Variants in FCER1G observed in about 807,000 individuals in gnomAD.
FCER1G encodes the protein high affinity immunoglobulin epsilon receptor subunit gamma.
In FCER1G, 7 loss-of-function variants were observed where a neutral mutation model predicts 17.3. The observed-to-expected ratio is 0.40, with a 90% confidence interval of 0.23 to 0.76. The LOEUF is 0.76. Among genes scored for constraint, FCER1G ranks in the 30% least tolerant of loss-of-function variants. FCER1G has a pLI of 0.35. For synonymous variants in FCER1G, 35 were observed against 38.7 expected (o/e 0.90, Z 0.35); for missense variants, 87 against 97.7 (o/e 0.89, Z 0.46).
chr1:161,218,847 C>T, intron 4 of FCER1G, 34 bp from the exon 5 acceptor site: 2 of 1,604,364 alleles, frequency 1.2e-6, no homozygotes, highest in African/African-American at 1.3e-5. Context: ...TGATGGACTC[C>T]AGCTCCTGAT....
At chr1:161,216,361 T>TACAC (rs1218847328) in intron 1 of FCER1G, among the ~76,000 whole-genome samples, 26 of 137,578 alleles carry the variant, frequency 1.9e-4, no homozygotes, top group Non-Finnish European at 2.8e-4. Flanking sequence ...TCTATCTATA[T>TACAC]ACACACACAC....
At chr1:161,216,421 T>TAGAGAGAGAG (rs1218274622) in intron 1 of FCER1G, among the ~76,000 whole-genome samples, 1 of 141,960 alleles carries the variant, frequency 7.0e-6, no homozygotes, top group East Asian at 2.6e-4. Context: ...CATATATATA[T>TAGAGAGAGAG]ATATATAGAG....
At chr1:161,215,932 C>G (rs1246387276) in intron 1 of FCER1G, among the ~76,000 whole-genome samples, 1 of 151,890 alleles carries the variant, frequency 6.6e-6, no homozygotes, top group East Asian at 1.9e-4. Flanking sequence ...ACTATGTTGG[C>G]CACATCGGTC....
At position 161,217,974 on chromosome 1, in the gene FCER1G, C is replaced by G. The variant is rs754950967; in HGVS notation, c.50-12C>G. The G allele has an allele frequency of 1.9e-5, 30 of 1,597,464 alleles. No individual in the cohort carries two copies. Among genetic ancestry groups the G allele is most frequent in the Non-Finnish European group, 2.3e-5 (27 of 1,164,972 alleles). On this transcript the variant is annotated splice_polypyrimidine_tract_variant and intron_variant, in intron 1 of 4. Coordinates refer to ENST00000289902, the MANE Select transcript of FCER1G (RefSeq NM_004106.2). ...ATACCCCCGACCCCATGGGCATCCT[C>G]TATCCCCTCAGCGGCCCTGGGAGAG...
At position 161,218,997 on chromosome 1, in the gene FCER1G, C is replaced by T. The variant is rs923898539; in HGVS notation, c.*54C>T. On this transcript the variant is annotated 3_prime_UTR_variant, in exon 5 of 5. Transcript: ENST00000289902. ...TTTGGCTTCTGGTTCTTCCAGCCCT[C>T]ATGGTTGGCATCACATATGCCTGCA... 4.0e-5 allele frequency: 56 copies of T among 1,407,834 alleles called. 2 individuals are homozygous for T. In the South Asian group the frequency reaches 6.3e-4, roughly 16 times the overall value. The allele number at this position is 1,407,834 out of a possible 1,614,324, so 87.2% of individuals were successfully genotyped here.
chr1:161,218,835 T>C (rs1275383362), intron 4 of FCER1G, 46 bp from the exon 5 acceptor site: 3 of 1,589,196 alleles, frequency 1.9e-6, no homozygotes, highest in Admixed American at 1.7e-5. Context: ...GGGAGGGGCC[T>C]CTGATGGACT....
In FCER1G at chr1:161,218,020, G is replaced by A; in HGVS notation, c.84G>A (p.Leu28=). 6.2e-7 allele frequency: 1 copy of A among 1,613,878 alleles called. No individual in the cohort carries two copies. Among genetic ancestry groups the A allele is most frequent in the South Asian group, 1.1e-5 (1 of 91,078 alleles). ...ALGEPQLCYI[L]DAILFLYGIV... is the part of the protein sequence containing the mutation. The stretch of plus-strand genomic sequence containing the variant: ...GAGAGCCTCAGCTCTGCTATATCCT[G>A]GATGCCATCCTGTTTCTGTATGGAA... Residue 28 remains leucine, a synonymous_variant, in exon 2 of 5, where the codon CTG becomes CTA. Coordinates refer to ENST00000289902, the MANE Select transcript of FCER1G (RefSeq NM_004106.2).
intron 1 of FCER1G, among the ~76,000 whole-genome samples, chr1:161,215,851 C>T (rs1479596944): frequency 6.6e-6 from 1 of 152,008 alleles, no homozygotes; most frequent in African/African-American, 2.4e-5. Context: ...CTCGACCTCC[C>T]AAAGTGCTGG....
chr1:161,217,981 C>T lies in FCER1G; in HGVS notation c.50-5C>T. On this transcript the variant is annotated splice_region_variant and splice_polypyrimidine_tract_variant and intron_variant, in intron 1 of 4. Coordinates refer to ENST00000289902, the MANE Select transcript of FCER1G (RefSeq NM_004106.2). ...CGACCCCATGGGCATCCTCTATCCCCTCAGCGGCCCTGGGAGAGCCTCAGC... is the reference window on the plus strand; with the variant it reads ...CGACCCCATGGGCATCCTCTATCCCTTCAGCGGCCCTGGGAGAGCCTCAGC... The T allele has an allele frequency of 1.9e-6, 3 of 1,608,920 alleles. No homozygotes were observed. In the South Asian group the frequency reaches 3.3e-5, roughly 18 times the overall value.
At chr1:161,217,385 C>CTTTT (rs748410818) in intron 1 of FCER1G, among the ~76,000 whole-genome samples, 6 of 121,388 alleles carry the variant, frequency 4.9e-5, no homozygotes, top group Admixed American at 2.6e-4. Flanking sequence ...AACAGACACA[C>CTTTT]TTTTTTTTTT....
At position 161,218,143 on chromosome 1, in the gene FCER1G, C is replaced by T. The variant is rs1008198548; in HGVS notation, c.141+66C>T. ...TGGGAGGAGGGCAGCAGCAAGGATT[C>T]GAAGAGAAGGAATAAAAGGGGATCC... On this transcript the variant is annotated intron_variant, in intron 2 of 4. Coordinates refer to ENST00000289902, the MANE Select transcript of FCER1G (RefSeq NM_004106.2). 46 of 1,533,066 alleles carry T rather than the reference C, an allele frequency of 3.0e-5. No individual in the cohort carries two copies. In the East Asian group the frequency reaches 4.3e-4, roughly 14 times the overall value. 95.0% of individuals were successfully genotyped at this position (1,533,066 alleles called of 1,614,324 possible).
intron 1 of FCER1G, among the ~76,000 whole-genome samples, chr1:161,217,160 T>C (rs1420296597): frequency 6.6e-6 from 1 of 152,180 alleles, no homozygotes; most frequent in African/African-American, 2.4e-5. Context: ...TTGACTGACG[T>C]TAGTCACATG....
rs956815460 is a variant in FCER1G at position 161,219,020 on chromosome 1, G to A, written c.*77G>A. 3 of 1,103,776 alleles carry A rather than the reference G, an allele frequency of 2.7e-6. No homozygotes were observed. The highest frequency in any genetic ancestry group is 1.5e-5 in the African/African-American group (1 of 64,946). The allele number at this position is 1,103,776 out of a possible 1,614,324, so 68.4% of individuals were successfully genotyped here. ...CTCATGGTTGGCATCACATATGCCT[G>A]CATGCCATTAACACCAGCTGGCCCT... is the stretch of plus-strand genomic sequence containing the variant. On this transcript the variant is annotated 3_prime_UTR_variant, in exon 5 of 5. Coordinates refer to ENST00000289902, the MANE Select transcript of FCER1G (RefSeq NM_004106.2).
At chr1:161,217,720 G>A (rs954863453) in intron 1 of FCER1G, among the ~76,000 whole-genome samples, 1 of 152,140 alleles carries the variant, frequency 6.6e-6, no homozygotes, top group African/African-American at 2.4e-5. Context: ...AGAAAAGGTT[G>A]GGGGCTGAGG....
At chr1:161,218,748 C>T in intron 4 of FCER1G, 25 bp downstream of exon 4, 1 of 1,613,346 alleles carries the variant, frequency 6.2e-7, no homozygotes, top group African/African-American at 1.3e-5. Context: ...CTCCCCCACC[C>T]AGGAAGTCAG....
At position 161,218,801 on chromosome 1, in the gene FCER1G, G is replaced by T. The variant is rs765791571; in HGVS notation, c.198+78G>T. ...TTGAGCGATCTTTGGAAGGCCGGTG[G>T]GGGGAGGGGGGTCCTGTGGAGGTGG... On this transcript the variant is annotated intron_variant, in intron 4 of 4. Transcript: ENST00000289902. 1.8e-5 allele frequency: 28 copies of T among 1,586,520 alleles called. 1 individual carries two copies. The African/African-American group carries it at 3.0e-4, about 17-fold the overall frequency.
chr1:161,217,951 AC>A, intron 1 of FCER1G, 34 bp from the exon 2 acceptor site: 3 of 1,426,474 alleles, frequency 2.1e-6, no homozygotes, highest in Non-Finnish European at 3.0e-6. Flanking sequence ...CCTCCCTGAT[AC>A]CCCCGACCCC....
At chr1:161,215,680 C>T (rs775458716) in intron 1 of FCER1G, among the ~76,000 whole-genome samples, 4 of 152,088 alleles carry the variant, frequency 2.6e-5, no homozygotes, top group Non-Finnish European at 5.9e-5. Context: ...GCAACCTCTG[C>T]CTCCTGGGTT....
intron 1 of FCER1G, among the ~76,000 whole-genome samples, chr1:161,217,419 G>A (rs1553250878): frequency 7.6e-6 from 1 of 131,308 alleles, no homozygotes; most frequent in Admixed American, 8.5e-5. Context: ...ACATATTTAA[G>A]TGTCTTGTGG....
Sources: allele counts gnomAD v4.1 joint callset (sites outside exome capture counted in the v4.1 genomes callset), GRCh38; gene constraint gnomAD v4.1.1; transcripts MANE v1.5; gene names NCBI Gene and HGNC (gene_info 2026-07-23, HGNC 2026-07-21).